The following CA10 variants were observed in gnomAD, a reference collection of about 807,000 sequenced individuals.
The protein encoded by CA10 is carbonic anhydrase-related protein 10.
In CA10, 14 loss-of-function variants were observed where a neutral mutation model predicts 44.2. The observed-to-expected ratio is 0.32, with a 90% confidence interval of 0.21 to 0.50. CA10 has a LOEUF of 0.50. CA10 is among the 20% of genes least tolerant of loss of function. The pLI, the probability that CA10 is intolerant of heterozygous loss-of-function variation, is 0.99. For missense variants in CA10, 350 were observed against 409.7 expected (o/e 0.85, Z 1.26); for synonymous variants, 159 against 141.6 (o/e 1.12, Z -0.87).
At position 51,742,065 on chromosome 17, in the gene CA10, C is replaced by T. The variant is rs116548427; in HGVS notation, c.465+5568G>A. On this transcript the variant is annotated intron_variant, in intron 4 of 8. Coordinates refer to ENST00000451037, the MANE Select transcript of CA10 (RefSeq NM_020178.5). Reference sequence around the variant, plus strand: ...TGGTCCACAGGGTATGGTTTGTAAACCCCTGTAATAGATGAATACACAGGA... The same window carrying T: ...TGGTCCACAGGGTATGGTTTGTAAATCCCTGTAATAGATGAATACACAGGA... 5.6e-3 allele frequency among the ~76,000 whole-genome samples: 853 copies of T among 152,242 alleles called. 6 individuals are homozygous for T. The highest frequency in any genetic ancestry group is 0.019 in the African/African-American group (805 of 41,538).
intron 1 of CA10, among the ~76,000 whole-genome samples, chr17:52,112,505 C>T (rs1296596676): frequency 1.3e-5 from 2 of 152,084 alleles, no homozygotes; most frequent in Non-Finnish European, 2.9e-5. Flanking sequence ...TATATTTGGC[C>T]CTTTATAGAA....
chr17:51,743,979 T>C (rs1277329873), intron 4 of CA10, among the ~76,000 whole-genome samples: 2 of 152,226 alleles, frequency 1.3e-5, no homozygotes, highest in African/African-American at 2.4e-5. Context: ...TATGTTGACT[T>C]TTACTGAGGC....
chr17:52,047,727 T>G (rs1217376777), intron 2 of CA10, among the ~76,000 whole-genome samples: 2 of 151,922 alleles, frequency 1.3e-5, no homozygotes, highest in African/African-American at 4.8e-5. Context: ...TATAAAAAAT[T>G]TAATAATACT....
At chr17:51,769,177 A>G (rs889013571) in intron 3 of CA10, among the ~76,000 whole-genome samples, 4 of 152,172 alleles carry the variant, frequency 2.6e-5, no homozygotes, top group African/African-American at 9.7e-5. Context: ...GGATGGACAG[A>G]TTCCCTTGAG....
At chr17:51,778,628 A>C (rs1905922640) in intron 3 of CA10, among the ~76,000 whole-genome samples, 2 of 152,216 alleles carry the variant, frequency 1.3e-5, no homozygotes, top group South Asian at 4.2e-4. Context: ...CTTTACGCAG[A>C]GGAAATAATT....
At chr17:51,968,943 T>C (rs188031858) in intron 2 of CA10, among the ~76,000 whole-genome samples, 2 of 152,008 alleles carry the variant, frequency 1.3e-5, no homozygotes, top group African/African-American at 4.8e-5. Flanking sequence ...TGTTTTTAAC[T>C]TGAACTACAT....
chr17:51,746,710 G>A (rs1016775112), intron 4 of CA10, among the ~76,000 whole-genome samples: 57 of 152,122 alleles, frequency 3.7e-4, no homozygotes, highest in African/African-American at 1.3e-3. Context: ...GGCTCTTAGT[G>A]ACACATTTTG....
At chr17:51,642,724 C>T (rs982287091) in intron 6 of CA10, among the ~76,000 whole-genome samples, 1 of 152,048 alleles carries the variant, frequency 6.6e-6, no homozygotes. Context: ...CTCACTGTAA[C>T]CTCCGCCTCC....
At chr17:52,000,249 T>G (rs1054862907) in intron 2 of CA10, among the ~76,000 whole-genome samples, 1 of 152,066 alleles carries the variant, frequency 6.6e-6, no homozygotes, top group Non-Finnish European at 1.5e-5. Context: ...AAGCCTGTGA[T>G]GAAGATGAAG....
chr17:52,073,060 G>A (rs997391811), intron 1 of CA10, among the ~76,000 whole-genome samples: 2 of 152,090 alleles, frequency 1.3e-5, no homozygotes, highest in Non-Finnish European at 2.9e-5. Context: ...CATTACACAT[G>A]CACACAAACC....
chr17:51,667,382 T>C (rs1430343454), intron 4 of CA10, among the ~76,000 whole-genome samples: 12 of 152,176 alleles, frequency 7.9e-5, no homozygotes, highest in Non-Finnish European at 2.9e-5. Context: ...TCCCACTAAC[T>C]GCTTGCAGTA....
chr17:51,924,314 C>T (rs1567887016), intron 3 of CA10, among the ~76,000 whole-genome samples: 1 of 152,072 alleles, frequency 6.6e-6, no homozygotes, highest in Non-Finnish European at 1.5e-5. Context: ...TACACTCTCA[C>T]TGGGAACAAA....
At chr17:52,005,804 T>C (rs1308618072) in intron 2 of CA10, among the ~76,000 whole-genome samples, 2 of 151,894 alleles carry the variant, frequency 1.3e-5, no homozygotes, top group East Asian at 1.9e-4. Flanking sequence ...ATTAGTCATA[T>C]GATAAACAAC....
chr17:51,662,703 G>T (rs1302270603), intron 4 of CA10, among the ~76,000 whole-genome samples: 1 of 152,146 alleles, frequency 6.6e-6, no homozygotes, highest in Non-Finnish European at 1.5e-5. Context: ...ACTATCATGG[G>T]TCTGTCCGGT....
intron 1 of CA10, among the ~76,000 whole-genome samples, chr17:52,089,927 T>A (rs1377620325): frequency 6.6e-6 from 1 of 152,092 alleles, no homozygotes; most frequent in African/African-American, 2.4e-5. Flanking sequence ...TTTGAAAATA[T>A]CAGAAACAAA....
intron 3 of CA10, among the ~76,000 whole-genome samples, chr17:51,822,422 CA>C (rs1567851377): frequency 2.0e-5 from 3 of 150,430 alleles, no homozygotes; most frequent in Non-Finnish European, 3.0e-5. Context: ...CTCAAAAAAA[CA>C]AAACAAAAAC....
At chr17:52,010,172 C>T (rs576291568) in intron 2 of CA10, among the ~76,000 whole-genome samples, 1 of 152,092 alleles carries the variant, frequency 6.6e-6, no homozygotes, top group East Asian at 1.9e-4. Flanking sequence ...CTTGTACAAC[C>T]ACTATGGAAA....
At position 52,158,053 on chromosome 17, in the gene CA10, C is replaced by T. The variant is rs377260281; in HGVS notation, c.-267G>A. On this transcript the variant is annotated 5_prime_UTR_variant, in exon 1 of 9. Coordinates refer to ENST00000451037, the MANE Select transcript of CA10 (RefSeq NM_020178.5). The stretch of plus-strand genomic sequence containing the variant: ...TGCCTCGCTGCCTTGGAGGTCTCCC[C>T]GCTCGCGTGTCTCTTCTCTTCGCAC... 11 of 541,890 alleles carry T rather than the reference C, an allele frequency of 2.0e-5. No homozygotes were observed. Among genetic ancestry groups the T allele is most frequent in the African/African-American group, 3.8e-5 (2 of 52,270 alleles). The allele number at this position is 541,890 out of a possible 1,614,324, so 33.6% of individuals were successfully genotyped here.
intron 3 of CA10, among the ~76,000 whole-genome samples, chr17:51,821,669 T>C (rs1379817158): frequency 1.3e-5 from 2 of 152,052 alleles, no homozygotes; most frequent in Non-Finnish European, 2.9e-5. Context: ...CAGTGGCTTC[T>C]CATTTCACTC....
Sources: allele counts gnomAD v4.1 joint callset (sites outside exome capture counted in the v4.1 genomes callset), GRCh38; gene constraint gnomAD v4.1.1; transcripts MANE v1.5; gene names NCBI Gene and HGNC (gene_info 2026-07-23, HGNC 2026-07-21).